The following MCM5 variants were observed in gnomAD, a reference collection of about 807,000 sequenced individuals.
MCM5 encodes DNA replication licensing factor MCM5.
MCM5 carries 46 observed loss-of-function variants against 79.9 expected under a neutral mutation model. The ratio of observed to expected loss-of-function variants is 0.58; its 90% CI spans 0.45 to 0.74. MCM5 has a LOEUF of 0.74. MCM5 is among the 30% of genes least tolerant of loss of function. MCM5 has a pLI of 0.00. For missense variants in MCM5, 883 were observed against 1,017.0 expected, an observed-to-expected ratio of 0.87 and a Z score of 1.79; for synonymous variants, 404 against 390.5, an observed-to-expected ratio of 1.03 and a Z score of -0.41.
At chr22:35,433,037 G>A in the MCM5 span, among the ~76,000 whole-genome samples, 774 of 152,200 alleles carry the variant, frequency 5.1e-3, 4 homozygotes, top group African/African-American at 0.018. Flanking sequence ...TGGGCTCAAG[G>A]GATCCTCTCA....
chr22:35,432,763 G>A, the MCM5 span, among the ~76,000 whole-genome samples: 1 of 152,198 alleles, frequency 6.6e-6, no homozygotes, highest in South Asian at 2.1e-4. Flanking sequence ...GGGGGTTGGG[G>A]ATTGGGGCCA....
At chr22:35,450,471 C>T in the MCM5 span, among the ~76,000 whole-genome samples, 6 of 152,158 alleles carry the variant, frequency 3.9e-5, no homozygotes, top group East Asian at 5.8e-4. Context: ...GGGGAGGAAG[C>T]GCTGTCTCTA....
At chr22:35,437,891 T>A in the MCM5 span, among the ~76,000 whole-genome samples, 3 of 152,166 alleles carry the variant, frequency 2.0e-5, no homozygotes, top group African/African-American at 7.2e-5. Flanking sequence ...AATCTAGTCC[T>A]ATTTTTTCAC....
At chr22:35,444,983 G>T in the MCM5 span, among the ~76,000 whole-genome samples, 1 of 152,220 alleles carries the variant, frequency 6.6e-6, no homozygotes, top group Non-Finnish European at 1.5e-5. Context: ...CTCCTCTGCG[G>T]CCAGAGCGAC....
chr22:35,407,023 A>G (rs567292381), intron 5 of MCM5, among the ~76,000 whole-genome samples: 2 of 152,262 alleles, frequency 1.3e-5, no homozygotes, highest in South Asian at 4.1e-4. Context: ...GAATCTTCTG[A>G]AGCAAACTAT....
chr22:35,429,868 T>G (rs1932801405), downstream of MCM5, among the ~76,000 whole-genome samples: 1 of 152,178 alleles, frequency 6.6e-6, no homozygotes, highest in South Asian at 2.1e-4. Flanking sequence ...GCCTAGTGCT[T>G]CTCAGCCAGT....
chr22:35,421,503 C>T, intron 15 of MCM5, 43 bp downstream of exon 15: 1 of 1,612,964 alleles, frequency 6.2e-7, no homozygotes, highest in South Asian at 1.1e-5. Flanking sequence ...ATCTGGGTTC[C>T]CTGGCTCGGA....
chr22:35,450,506 C>T, the MCM5 span, among the ~76,000 whole-genome samples: 5 of 152,180 alleles, frequency 3.3e-5, no homozygotes, highest in Non-Finnish European at 5.9e-5. Flanking sequence ...CGCCCAGACT[C>T]GCCCGCCTGA....
downstream of MCM5, among the ~76,000 whole-genome samples, chr22:35,427,844 AT>A (rs1208336924): frequency 1.3e-5 from 2 of 151,962 alleles, no homozygotes; most frequent in African/African-American, 4.8e-5. Context: ...AGCATTTTTT[AT>A]TAAAAATATG....
At position 35,424,612 on chromosome 22, in the gene MCM5, A is replaced by G. The variant is rs1932760449; in HGVS notation, c.*357A>G. 1 of 189,314 alleles carries G rather than the reference A, an allele frequency of 5.3e-6. No homozygotes were observed. Among genetic ancestry groups the G allele is most frequent in the Admixed American group, 6.2e-5 (1 of 16,212 alleles). 11.7% of individuals were successfully genotyped at this position (189,314 alleles called of 1,614,324 possible). ...AGACTGGCCAGGGTTTCTGACTTGG[A>G]TCTGCCACTCAGACTTCTGGGTAAG... On this transcript the variant is annotated 3_prime_UTR_variant, in exon 17 of 17. Coordinates refer to ENST00000216122, the MANE Select transcript of MCM5 (RefSeq NM_006739.4).
intron 15 of MCM5, 182 bp from the exon 16 acceptor site, chr22:35,423,032 C>A: frequency 2.0e-6 from 1 of 498,410 alleles, no homozygotes; most frequent in South Asian, 3.9e-5. Flanking sequence ...TGGAGTGTCC[C>A]CACATGTGCC....
intron 6 of MCM5, 36 bp downstream of exon 6, chr22:35,408,599 C>A (rs779999212): frequency 1.3e-6 from 2 of 1,585,942 alleles, no homozygotes; most frequent in Non-Finnish European, 1.7e-6. Flanking sequence ...GCATCTACGA[C>A]GGTGGATGTC....
chr22:35,410,458 G>A (rs74579129), intron 6 of MCM5: 17 of 397,958 alleles, frequency 4.3e-5, no homozygotes, highest in South Asian at 8.3e-5. Flanking sequence ...CTAAACCAGC[G>A]TACAAATGAG....
At chr22:35,436,539 C>T in the MCM5 span, among the ~76,000 whole-genome samples, 14 of 152,332 alleles carry the variant, frequency 9.2e-5, no homozygotes, top group African/African-American at 2.4e-4. Flanking sequence ...CCTTTGCCAG[C>T]GCCCACTGCA....
the MCM5 span, among the ~76,000 whole-genome samples, chr22:35,440,616 C>T: frequency 6.6e-6 from 1 of 152,206 alleles, no homozygotes. Flanking sequence ...TAGCATTCTA[C>T]TGCAGCAATG....
Position 35,412,512 on chromosome 22 carries a change from C to A in MCM5, c.922C>A (p.Arg308Ser). 6.5e-7 allele frequency: 1 copy of A among 1,546,548 alleles called. No homozygotes were observed. Among genetic ancestry groups the A allele is most frequent in the Non-Finnish European group, 8.7e-7 (1 of 1,145,820 alleles). ...GIQVDTDGSG[R>S]SFAGAVSPQE... ...ATGCGCCTGCTTTGCCTACCAAGGCCGCAGCTTTGCTGGGGCCGTGAGCCC... is the reference window on the plus strand; with the variant it reads ...ATGCGCCTGCTTTGCCTACCAAGGCAGCAGCTTTGCTGGGGCCGTGAGCCC... The change falls in exon 8 of 17, where the codon CGC becomes AGC. Residue 308 changes from arginine (R) to serine (S), a missense_variant and splice_region_variant. By Grantham distance (110) the Arg-to-Ser change is moderately radical (BLOSUM62 -1). This residue lies in a region of MCM5 where 455 missense variants were observed against 517.5 expected (regional missense o/e 0.88). Transcript: ENST00000216122.
the MCM5 span, among the ~76,000 whole-genome samples, chr22:35,448,036 C>T: frequency 1.8e-4 from 27 of 152,206 alleles, no homozygotes; most frequent in Non-Finnish European, 1.6e-4. Flanking sequence ...CCTGGTTTCT[C>T]CCCAGGTGGG....
chr22:35,450,234 G>C, the MCM5 span, among the ~76,000 whole-genome samples: 1 of 152,148 alleles, frequency 6.6e-6, no homozygotes, highest in African/African-American at 2.4e-5. Flanking sequence ...ATGGCCCACG[G>C]TTGAGTTCCG....
chr22:35,427,704 A>AC (rs1452405107), downstream of MCM5, among the ~76,000 whole-genome samples: 2 of 135,388 alleles, frequency 1.5e-5, no homozygotes, highest in Non-Finnish European at 3.2e-5. Context: ...CTAGCCCCCC[A>AC]CCCCCCACAA....
Sources: gnomAD v4.1 joint callset for allele counts (sites outside exome capture counted in the v4.1 genomes callset) on GRCh38, gnomAD v4.1.1 for gene constraint, gnomAD v4.1.1 regional missense constraint, MANE v1.5 for transcripts, NCBI Gene and HGNC (gene_info 2026-07-23, HGNC 2026-07-21) for gene names.